STS: variants seen among roughly 807,000 people sequenced by gnomAD.
STS encodes the protein steroid sulfatase.
In STS, 7 loss-of-function variants were observed where a neutral mutation model predicts 26.8. That is an observed-to-expected ratio of 0.26 (90% CI 0.15 to 0.49). The LOEUF is 0.49. STS is among the 20% of genes least tolerant of loss of function. The pLI, the probability that STS is intolerant of heterozygous loss-of-function variation, is 0.98. For missense variants in STS, 434 were observed against 465.6 expected, an observed-to-expected ratio of 0.93 and a Z score of 0.63; for synonymous variants, 199 against 189.4, an observed-to-expected ratio of 1.05 and a Z score of -0.42.
intron 8 of STS, among the ~76,000 whole-genome samples, chrX:7,324,296 T>C (rs1466668425): frequency 9.1e-6 from 1 of 109,698 alleles, no homozygotes; most frequent in African/African-American, 3.3e-5. Flanking sequence ...AATAAGGGGG[T>C]TGTGGAGGCC....
chrX:7,325,007 G>C (rs10126096), intron 8 of STS, among the ~76,000 whole-genome samples: 42,156 of 110,065 alleles, frequency 0.38, 6,030 homozygotes, highest in Middle Eastern at 0.54. Context: ...CTGGTGTAAA[G>C]TAGAAATGGA....
At chrX:7,280,821 C>T (rs1048879553) in intron 7 of STS, among the ~76,000 whole-genome samples, 15 of 112,530 alleles carry the variant, frequency 1.3e-4, no homozygotes, top group Non-Finnish European at 2.6e-4. Context: ...CTAGCAAGTT[C>T]TGTACTATTA....
chrX:7,309,598 TA>T (rs35728471), intron 8 of STS, among the ~76,000 whole-genome samples: 7 of 89,552 alleles, frequency 7.8e-5, no homozygotes, highest in Admixed American at 2.2e-4. Context: ...GACTTCTTGT[TA>T]AAAAAAAAAT....
intron 6 of STS, among the ~76,000 whole-genome samples, chrX:7,268,346 TC>T (rs1207022795): frequency 1.8e-5 from 2 of 111,923 alleles, no homozygotes; most frequent in Non-Finnish European, 3.8e-5. Context: ...ACAGTCACAA[TC>T]CCGAAATGCA....
At chrX:7,304,506 A>G (rs892366496) in intron 7 of STS, among the ~76,000 whole-genome samples, 7 of 111,578 alleles carry the variant, frequency 6.3e-5, no homozygotes, top group Non-Finnish European at 1.3e-4. Context: ...TCAATGAGGA[A>G]TATTGATATT....
At chrX:7,183,471 C>T (rs769757098) in intron 1 of STS, among the ~76,000 whole-genome samples, 2 of 112,075 alleles carry the variant, frequency 1.8e-5, no homozygotes, top group East Asian at 2.8e-4. Context: ...CCCAAGATCA[C>T]ACAAGTAATG....
chrX:7,228,502 G>A (rs1458799201), intron 2 of STS, among the ~76,000 whole-genome samples: 2 of 112,050 alleles, frequency 1.8e-5, no homozygotes, highest in African/African-American at 6.5e-5. Flanking sequence ...ATCTTTTCAT[G>A]TGCTTCTTGG....
chrX:7,162,428 A>G (rs1933263090), intron 1 of STS, among the ~76,000 whole-genome samples: 1 of 111,712 alleles, frequency 9.0e-6, no homozygotes, highest in Non-Finnish European at 1.9e-5. Flanking sequence ...AAGCACCTTC[A>G]ACTGTGAGGT....
rs1406994594 is a variant in STS at position 7,353,348 on chromosome X, T to G, written c.*3087T>G. 1 of 111,564 alleles carries G rather than the reference T, an allele frequency of 9.0e-6. No homozygotes were observed. Among genetic ancestry groups the G allele is most frequent in the African/African-American group, 3.3e-5 (1 of 30,754 alleles). 9.2% of individuals were successfully genotyped at this position (111,564 alleles called of 1,213,427 possible). ...AAGGGGCCTACAAAAATGTTTTATT[T>G]TATAATCAGAAGAAAAGGAAATGAA... On this transcript the variant is annotated 3_prime_UTR_variant, in exon 11 of 11. Transcript: ENST00000674429.
chrX:7,217,944 A>G (rs1921377964), intron 2 of STS, among the ~76,000 whole-genome samples: 1 of 112,095 alleles, frequency 8.9e-6, no homozygotes, highest in South Asian at 3.7e-4. Context: ...TTATAACACA[A>G]ATTAAAACAT....
At chrX:7,149,988 A>G (rs1189030208) in intron 1 of STS, among the ~76,000 whole-genome samples, 1 of 111,772 alleles carries the variant, frequency 8.9e-6, no homozygotes, top group East Asian at 2.8e-4. Context: ...ACTCCAACAT[A>G]TATTTTTGGG....
chrX:7,280,343 T>C (rs1231229671), intron 7 of STS, among the ~76,000 whole-genome samples: 1 of 111,584 alleles, frequency 9.0e-6, no homozygotes, highest in Non-Finnish European at 1.9e-5. Context: ...CTTGAACAGT[T>C]TGGAAGCAGG....
chrX:7,247,113 C>T (rs1055998833), intron 2 of STS, among the ~76,000 whole-genome samples: 66 of 112,081 alleles, frequency 5.9e-4, no homozygotes, highest in African/African-American at 2.0e-3. Context: ...ATGTGACCAT[C>T]GAACACATCC....
At chrX:7,172,988 A>G (rs1419859196) in intron 1 of STS, among the ~76,000 whole-genome samples, 1 of 110,676 alleles carries the variant, frequency 9.0e-6, no homozygotes, top group Non-Finnish European at 1.9e-5. Context: ...GGTTTGTTAC[A>G]TAGGTAAACA....
At chrX:7,345,587 C>T (rs1415346026) in intron 10 of STS, among the ~76,000 whole-genome samples, 4 of 111,304 alleles carry the variant, frequency 3.6e-5, no homozygotes, top group Non-Finnish European at 5.7e-5. Flanking sequence ...TAATCCTAAA[C>T]GAGTCCTGTT....
At chrX:7,223,488 G>A (rs1176103135) in intron 2 of STS, among the ~76,000 whole-genome samples, 3 of 111,928 alleles carry the variant, frequency 2.7e-5, no homozygotes, top group Non-Finnish European at 5.6e-5. Context: ...GCATTTCTCC[G>A]ATGATTAGTG....
At chrX:7,173,212 A>G (rs1933500995) in intron 1 of STS, among the ~76,000 whole-genome samples, 1 of 111,202 alleles carries the variant, frequency 9.0e-6, no homozygotes, top group Non-Finnish European at 1.9e-5. Flanking sequence ...TTCCTGCATT[A>G]GTTTGCTGAG....
chrX:7,230,214 A>G (rs913109010), intron 2 of STS, among the ~76,000 whole-genome samples: 19 of 111,447 alleles, frequency 1.7e-4, no homozygotes, highest in African/African-American at 5.6e-4. Context: ...GGATCTTAAA[A>G]AGCCATGATT....
chrX:7,194,791 G>T (rs1397692487), intron 2 of STS, among the ~76,000 whole-genome samples: 1 of 111,673 alleles, frequency 9.0e-6, no homozygotes, highest in South Asian at 3.7e-4. Context: ...ATACAGTCAC[G>T]CATCGCTGGA....
Sources: allele counts gnomAD v4.1 joint callset (sites outside exome capture counted in the v4.1 genomes callset), GRCh38; gene constraint gnomAD v4.1.1; transcripts MANE v1.5; gene names NCBI Gene and HGNC (gene_info 2026-07-23, HGNC 2026-07-21).